CFAP61: variants seen among roughly 807,000 people sequenced by gnomAD.
The protein encoded by CFAP61 is cilia- and flagella-associated protein 61.
A neutral mutation model predicts 135.6 loss-of-function variants in CFAP61; 107 were observed. The observed-to-expected ratio is 0.79, with a 90% CI of 0.67 to 0.93. CFAP61 has a LOEUF of 0.93. Among genes scored for constraint, CFAP61 ranks in the 40% least tolerant of loss-of-function variants. The pLI is 0.00. For synonymous variants in CFAP61, 575 were observed against 578.5 expected, an observed-to-expected ratio of 0.99 and a Z score of 0.09; for missense variants, 1,507 against 1,556.2, an observed-to-expected ratio of 0.97 and a Z score of 0.53.
intron 13 of CFAP61, chr20:20,172,120 AAAG>A: frequency 1.2e-6 from 1 of 806,916 alleles, no homozygotes; most frequent in East Asian, 6.7e-5. Flanking sequence ...CCTTAATTAA[AAAG>A]AAGAGGAAAA....
chr20:20,310,071 T>C (rs2056732537), intron 25 of CFAP61, among the ~76,000 whole-genome samples: 1 of 152,184 alleles, frequency 6.6e-6, no homozygotes, highest in Admixed American at 6.5e-5. Context: ...CTCAGCTCAC[T>C]GCAACCTCCA....
intron 1 of CFAP61, 39 bp downstream of exon 1, chr20:20,052,630 T>TGCGGTGCAG: frequency 6.2e-7 from 1 of 1,613,626 alleles, no homozygotes; most frequent in Non-Finnish European, 8.5e-7. Context: ...ACGCAAGGAC[T>TGCGGTGCAG]GCGGTGCAGG....
intron 6 of CFAP61, among the ~76,000 whole-genome samples, chr20:20,078,123 T>A (rs2046186303): frequency 6.6e-6 from 1 of 152,266 alleles, no homozygotes; most frequent in East Asian, 1.9e-4. Flanking sequence ...AAAGAGTCTG[T>A]TCTGTCATTC....
intron 8 of CFAP61, among the ~76,000 whole-genome samples, chr20:20,106,594 T>G (rs1422235075): frequency 1.3e-5 from 2 of 152,234 alleles, no homozygotes; most frequent in East Asian, 3.8e-4. Flanking sequence ...GCTTTATTTA[T>G]ATTCGTTATG....
intron 8 of CFAP61, among the ~76,000 whole-genome samples, chr20:20,106,410 C>A (rs569288061): frequency 1.3e-5 from 2 of 152,168 alleles, no homozygotes; most frequent in Non-Finnish European, 2.9e-5. Context: ...ACTTAAGAAT[C>A]TATTATTTTG....
At chr20:20,147,409 T>C (rs1027266488) in intron 9 of CFAP61, among the ~76,000 whole-genome samples, 38 of 152,342 alleles carry the variant, frequency 2.5e-4, no homozygotes, top group Middle Eastern at 3.4e-3. Flanking sequence ...CCAACATCTA[T>C]TGTTTTTGAT....
intron 9 of CFAP61, among the ~76,000 whole-genome samples, chr20:20,157,885 G>T (rs946047233): frequency 1.1e-4 from 17 of 152,126 alleles, no homozygotes; most frequent in Admixed American, 3.9e-4. Context: ...CAGAGGACTT[G>T]TTTCTACAAC....
intron 26 of CFAP61, among the ~76,000 whole-genome samples, chr20:20,342,531 C>T (rs1011047908): frequency 4.6e-5 from 7 of 152,174 alleles, no homozygotes; most frequent in Admixed American, 2.0e-4. Flanking sequence ...AACTGTGGAA[C>T]GTTAAGAGCT....
intron 9 of CFAP61, among the ~76,000 whole-genome samples, chr20:20,158,349 GAAAAAAAAAA>G (rs58068878): frequency 9.8e-6 from 1 of 101,804 alleles, no homozygotes; most frequent in Admixed American, 9.7e-5. Context: ...GTGGACCTTT[GAAAAAAAAAA>G]AAAAAAAAAG....
intron 13 of CFAP61, among the ~76,000 whole-genome samples, chr20:20,185,770 A>G (rs1298380030): frequency 2.0e-5 from 3 of 152,236 alleles, no homozygotes; most frequent in Non-Finnish European, 2.9e-5. Flanking sequence ...AACTCTTCTC[A>G]TAACCCTGTC....
intron 2 of CFAP61, among the ~76,000 whole-genome samples, chr20:20,068,401 G>A (rs2045464116): frequency 6.6e-6 from 1 of 152,216 alleles, no homozygotes; most frequent in South Asian, 2.1e-4. Context: ...TAAGGGTTCA[G>A]TGAGAAGTTG....
intron 8 of CFAP61, among the ~76,000 whole-genome samples, chr20:20,117,254 C>G (rs953022389): frequency 1.3e-5 from 2 of 152,032 alleles, no homozygotes; most frequent in Admixed American, 6.6e-5. Context: ...TGAGGCAGGA[C>G]AATCACTTGA....
intron 17 of CFAP61, chr20:20,215,377 G>A (rs370214592): frequency 5.2e-4 from 79 of 152,264 alleles, no homozygotes; most frequent in East Asian, 1.7e-3. Context: ...AATCCTCCAC[G>A]AAACCTTCCT....
At chr20:20,217,933 TG>T (rs1475758963) in intron 17 of CFAP61, among the ~76,000 whole-genome samples, 1 of 152,210 alleles carries the variant, frequency 6.6e-6, no homozygotes, top group Non-Finnish European at 1.5e-5. Flanking sequence ...TATGGGTCAG[TG>T]GGTGTGTCAT....
At chr20:20,332,019 A>G (rs987757899) in intron 25 of CFAP61, among the ~76,000 whole-genome samples, 3 of 152,210 alleles carry the variant, frequency 2.0e-5, no homozygotes, top group African/African-American at 7.2e-5. Flanking sequence ...TAACAAATCA[A>G]TGTAAATAGC....
rs185406920 is a variant in CFAP61, at chr20:20,116,172, G to A, written c.859+17358G>A. Among the ~76,000 whole-genome samples the A allele has an allele frequency of 2.5e-4, 38 of 152,166 alleles. No homozygotes were observed. The South Asian group carries it at 7.3e-3, about 29-fold the overall frequency. ...TGTTATCTCATTGTGGTTTTGATTT[G>A]CATCTCTGTGATGATTAGTGATGTT... is the stretch of plus-strand genomic sequence containing the variant. On this transcript the variant is annotated intron_variant, in intron 8 of 26. Coordinates refer to ENST00000245957, the MANE Select transcript of CFAP61 (RefSeq NM_015585.4).
At chr20:20,216,569 G>T (rs888483494) in intron 17 of CFAP61, among the ~76,000 whole-genome samples, 17 of 152,196 alleles carry the variant, frequency 1.1e-4, no homozygotes, top group Admixed American at 8.5e-4. Flanking sequence ...GGACTTCTGG[G>T]CATGGGGAAG....
intron 25 of CFAP61, among the ~76,000 whole-genome samples, chr20:20,303,189 GA>G (rs1018269702): frequency 6.6e-6 from 1 of 151,848 alleles, no homozygotes; most frequent in East Asian, 1.9e-4. Flanking sequence ...AGACTTTCCG[GA>G]AAAAAAATGT....
chr20:20,096,216 GA>G lies in CFAP61; in HGVS notation c.700-2437del, dbSNP rs1380798658. Among the ~76,000 whole-genome samples the G allele has an allele frequency of 2.0e-5, 3 of 152,066 alleles. No homozygotes were observed. The East Asian group carries it at 5.8e-4, about 29-fold the overall frequency. ...GATACTCCTGCAAATTCATATTTAA[GA>G]ATAGTGTTTCTCAAATCGGTTATTT... On this transcript the variant is annotated intron_variant, in intron 7 of 26. Transcript: ENST00000245957.
Sources: gnomAD v4.1 joint callset for allele counts (sites outside exome capture counted in the v4.1 genomes callset) on GRCh38, gnomAD v4.1.1 for gene constraint, MANE v1.5 for transcripts, NCBI Gene and HGNC (gene_info 2026-07-23, HGNC 2026-07-21) for gene names.